Variants in NEIL3 observed in about 807,000 individuals in gnomAD.
NEIL3 encodes the protein endonuclease 8-like 3.
In NEIL3, 48 loss-of-function variants were observed where a neutral mutation model predicts 57.5. That is an observed-to-expected ratio of 0.83 (90% CI 0.66 to 1.06). The LOEUF (loss-of-function observed/expected upper bound fraction) is 1.06, where lower values mean the gene tolerates loss of function less well. NEIL3 is among the 50% of genes least tolerant of loss of function. The pLI, the probability that NEIL3 is intolerant of heterozygous loss-of-function variation, is 0.00. For synonymous variants in NEIL3, 261 were observed against 253.2 expected (o/e 1.03, Z -0.29); for missense variants, 717 against 739.1 (o/e 0.97, Z 0.35).
chr4:177,339,716 G>A, intron 4 of NEIL3, 67 bp from the exon 5 acceptor site: 1 of 1,005,566 alleles, frequency 9.9e-7, no homozygotes, highest in Non-Finnish European at 1.6e-6. Context: ...GAATTGGCAA[G>A]GCGTATTATT....
At chr4:177,317,833 G>T (rs1734604357) in intron 1 of NEIL3, among the ~76,000 whole-genome samples, 1 of 151,812 alleles carries the variant, frequency 6.6e-6, no homozygotes, top group Non-Finnish European at 1.5e-5. Flanking sequence ...CTGACCTCAG[G>T]TGATCCGCCT....
chr4:177,343,083 C>T (rs1735129859), intron 6 of NEIL3: 1 of 152,144 alleles, frequency 6.6e-6, no homozygotes, highest in Admixed American at 6.5e-5. Context: ...CCTAGTAAAA[C>T]TTTTTAAAAG....
chr4:177,348,857 AATTTTTTTT>A (rs1208076767), intron 6 of NEIL3, among the ~76,000 whole-genome samples: 1 of 77,234 alleles, frequency 1.3e-5, no homozygotes, highest in African/African-American at 5.1e-5. Context: ...GTGGCTCATG[AATTTTTTTT>A]TTTTTTTTTT....
intron 2 of NEIL3, among the ~76,000 whole-genome samples, chr4:177,327,573 C>G (rs1257516670): frequency 6.6e-6 from 1 of 152,104 alleles, no homozygotes; most frequent in African/African-American, 2.4e-5. Flanking sequence ...TCCTAATGCT[C>G]TCCCTCTCCT....
chr4:177,369,408 AAAG>A, the NEIL3 span, among the ~76,000 whole-genome samples: 1 of 152,206 alleles, frequency 6.6e-6, no homozygotes, highest in Non-Finnish European at 1.5e-5. Flanking sequence ...TAAATGCGTA[AAAG>A]AAGAATCAAT....
At position 177,351,409 on chromosome 4, in the gene NEIL3, G is replaced by C. The variant is rs1451582037; in HGVS notation, c.899G>C (p.Ser300Thr). 1 of 1,612,814 alleles carries C rather than the reference G, an allele frequency of 6.2e-7. No homozygotes were observed. The highest frequency in any genetic ancestry group is 2.2e-5 in the East Asian group (1 of 44,874). The stretch of plus-strand genomic sequence containing the variant: ...CTACCGACTAGAAATACTATAATCA[G>C]TTGGACATCTAGCAGGGTGGATCAT... ...CKLPTRNTII[S>T]WTSSRVDHVM... is the part of the protein sequence containing the mutation. The change falls in exon 7 of 10, where the codon AGT becomes ACT. Residue 300 changes from serine (S) to threonine (T), a missense_variant. Coordinates refer to ENST00000264596, the MANE Select transcript of NEIL3 (RefSeq NM_018248.3).
chr4:177,339,793 T>G lies in NEIL3; in HGVS notation c.638T>G (p.Leu213Ter), dbSNP rs202205348. The G allele has an allele frequency of 6.2e-7, 1 of 1,612,934 alleles. No homozygotes were observed. Among genetic ancestry groups the G allele is most frequent in the Non-Finnish European group, 8.5e-7 (1 of 1,179,038 alleles). ...TTTTTCCACTTCAAGGTTTGTCAATTAACAGATGAACAGATCCATCACCTC... is the reference window on the plus strand; with the variant it reads ...TTTTTCCACTTCAAGGTTTGTCAATGAACAGATGAACAGATCCATCACCTC... Reference protein sequence around the residue: ...GLHPAVKVCQLTDEQIHHLMK... With the variant: ...GLHPAVKVCQ Residue 213 changes from leucine (L) to a stop codon, truncating the protein, a stop_gained, in exon 5 of 10, where the codon TTA becomes TGA. Transcript: ENST00000264596. LOFTEE classifies it high-confidence loss of function.
At chr4:177,350,530 G>A (rs1434639296) in intron 6 of NEIL3, among the ~76,000 whole-genome samples, 2 of 152,080 alleles carry the variant, frequency 1.3e-5, no homozygotes, top group Non-Finnish European at 2.9e-5. Flanking sequence ...CTTACATGAA[G>A]GGAAACAACA....
chr4:177,338,554 G>C (rs1201009767), intron 4 of NEIL3, among the ~76,000 whole-genome samples: 1 of 152,206 alleles, frequency 6.6e-6, no homozygotes, highest in Non-Finnish European at 1.5e-5. Flanking sequence ...TGTACATATA[G>C]ATATTCACAC....
At chr4:177,370,268 G>A in the NEIL3 span, among the ~76,000 whole-genome samples, 1 of 152,146 alleles carries the variant, frequency 6.6e-6, no homozygotes, top group African/African-American at 2.4e-5. Flanking sequence ...ATAGAAATCA[G>A]GTATCAGAAC....
intron 1 of NEIL3, among the ~76,000 whole-genome samples, chr4:177,317,348 G>A (rs540090138): frequency 6.6e-6 from 1 of 152,210 alleles, no homozygotes; most frequent in Admixed American, 6.5e-5. Flanking sequence ...CTGTCAGCTA[G>A]GACAACATAT....
chr4:177,341,114 C>T (rs1254422377), intron 5 of NEIL3, among the ~76,000 whole-genome samples: 1 of 151,928 alleles, frequency 6.6e-6, no homozygotes, highest in African/African-American at 2.4e-5. Context: ...CTAATCTAGC[C>T]TTTTTCTTTT....
chr4:177,340,000 G>T lies in NEIL3; in HGVS notation c.702+143G>T, dbSNP rs181724734. ...ATTAAGGGAGAGTGACATTATGTGGGTGTAATTAACATCTTGAAATTCTAG... is the reference window on the plus strand; with the variant it reads ...ATTAAGGGAGAGTGACATTATGTGGTTGTAATTAACATCTTGAAATTCTAG... On this transcript the variant is annotated intron_variant, in intron 5 of 9. Transcript: ENST00000264596. 2.0e-4 allele frequency: 123 copies of T among 616,448 alleles called. No individual in the cohort carries two copies. The African/African-American group carries it at 2.0e-3, about 10-fold the overall frequency. The allele number at this position is 616,448 out of a possible 1,614,324, so 38.2% of individuals were successfully genotyped here.
chr4:177,351,196 C>T lies in NEIL3; in HGVS notation c.870-184C>T, dbSNP rs530081363. Among the ~76,000 whole-genome samples the T allele has an allele frequency of 2.3e-4, 23 of 98,384 alleles. 1 individual carries two copies. In the East Asian group the frequency reaches 6.0e-3, roughly 25 times the overall value. 64.5% of individuals were successfully genotyped at this position (98,384 alleles called of 152,430 possible). A position where few individuals can be genotyped will look rare whatever the true frequency, so the allele number is the denominator to read the frequency against. ...TGCAACCTGGATGACAGAGCAAGAC[C>T]CCATCTCTACAAAAAAAAAAAAAAA... On this transcript the variant is annotated intron_variant, in intron 6 of 9. Coordinates refer to ENST00000264596, the MANE Select transcript of NEIL3 (RefSeq NM_018248.3).
Position 177,362,539 on chromosome 4 carries a change from T to C in NEIL3, c.*68T>C. On this transcript the variant is annotated 3_prime_UTR_variant, in exon 10 of 10. Transcript: ENST00000264596. ...TAATGTTTGGTCCTCCTCTGTTTCA[T>C]AGAAAAGTCATAGAATATCTATGAT... 2 of 1,226,484 alleles carry C rather than the reference T, an allele frequency of 1.6e-6. No individual in the cohort carries two copies. The highest frequency in any genetic ancestry group is 2.3e-4 in the Middle Eastern group (1 of 4,300). The allele number at this position is 1,226,484 out of a possible 1,614,324, so 76.0% of individuals were successfully genotyped here.
intron 4 of NEIL3, among the ~76,000 whole-genome samples, chr4:177,337,951 G>A (rs1018632800): frequency 1.3e-5 from 2 of 152,064 alleles, no homozygotes; most frequent in East Asian, 3.9e-4. Context: ...CCCGGGAGGC[G>A]GAGGTTGCAG....
At chr4:177,333,523 G>A (rs923221529) in intron 2 of NEIL3, among the ~76,000 whole-genome samples, 2 of 152,160 alleles carry the variant, frequency 1.3e-5, no homozygotes, top group Non-Finnish European at 2.9e-5. Flanking sequence ...TTAAAAAAGT[G>A]TATGAAGTAT....
At chr4:177,364,970 A>G (rs546442838), downstream of NEIL3, among the ~76,000 whole-genome samples, 15 of 152,108 alleles carry the variant, frequency 9.9e-5, no homozygotes, top group Non-Finnish European at 1.6e-4. Flanking sequence ...TCTGCCATGC[A>G]AGAAAGAGAT....
rs1734976901 is a variant in NEIL3 at position 177,336,254 on chromosome 4, T to C, written c.560T>C (p.Leu187Ser). Residue 187 changes from leucine to serine, a missense_variant, in exon 4 of 10, where the codon TTG (leucine) becomes TCG (serine). Leu to Ser is a moderately radical substitution (Grantham distance 145, BLOSUM62 -2). Transcript: ENST00000264596. ...GATGTGCTAATGGATCAGAACGTAT[T>C]GCCTGGAGTAGGGAACATCATCAAA... ...LGDVLMDQNV[L>S]PGVGNIIKNE... 4.3e-6 allele frequency: 7 copies of C among 1,614,230 alleles called. No individual in the cohort carries two copies. Among genetic ancestry groups the C allele is most frequent in the Non-Finnish European group, 5.9e-6 (7 of 1,180,024 alleles).
Sources: allele counts gnomAD v4.1 joint callset (sites outside exome capture counted in the v4.1 genomes callset), GRCh38; gene constraint gnomAD v4.1.1; transcripts MANE v1.5; gene names NCBI Gene and HGNC (gene_info 2026-07-23, HGNC 2026-07-21).